PTPRG: variants seen among roughly 807,000 people sequenced by gnomAD.
PTPRG encodes the protein receptor-type tyrosine-protein phosphatase gamma.
A neutral mutation model predicts 165.3 loss-of-function variants in PTPRG; 102 were observed. The ratio of observed to expected loss-of-function variants is 0.62; its 90% CI spans 0.53 to 0.73. The LOEUF is 0.73. Among genes scored for constraint, PTPRG ranks in the 30% least tolerant of loss-of-function variants. The probability of loss-of-function intolerance (pLI) is 0.00; values close to 1 mark genes in which losing one functional copy is unlikely to be tolerated. For missense variants in PTPRG, 1,866 were observed against 1,861.4 expected (o/e 1.00, Z -0.05); for synonymous variants, 675 against 669.5 (o/e 1.01, Z -0.13).
rs536369671 is a variant in PTPRG, at chr3:61,572,139, C to A, written c.85+9767C>A. ...GTTTGCTTCCTAAGGCGTTGAGAAC[C>A]CTTCCATTATCTTGCTAACCTTGCT... On this transcript the variant is annotated intron_variant, in intron 1 of 29. Transcript: ENST00000474889. Among the ~76,000 whole-genome samples the A allele has an allele frequency of 9.2e-5, 14 of 152,286 alleles. No homozygotes were observed. In the East Asian group the frequency reaches 2.7e-3, roughly 29 times the overall value.
At chr3:62,275,769 T>G in intron 23 of PTPRG, 104 bp from the exon 24 acceptor site, 1 of 788,034 alleles carries the variant, frequency 1.3e-6, no homozygotes, top group Non-Finnish European at 2.0e-6. Flanking sequence ...GGCACAGAAA[T>G]GGTCTTGTTT....
At chr3:61,709,416 G>C (rs893877310) in intron 1 of PTPRG, among the ~76,000 whole-genome samples, 1 of 152,096 alleles carries the variant, frequency 6.6e-6, no homozygotes, top group African/African-American at 2.4e-5. Flanking sequence ...CTAGATTCAA[G>C]TGGTTCTCCT....
At chr3:61,610,769 C>CCCTT in intron 1 of PTPRG, among the ~76,000 whole-genome samples, 1 of 124,028 alleles carries the variant, frequency 8.1e-6, no homozygotes, top group East Asian at 2.2e-4. Context: ...CTCCCTCCCT[C>CCCTT]CCTACCTCCC....
intron 4 of PTPRG, among the ~76,000 whole-genome samples, chr3:62,064,151 A>C (rs1238006407): frequency 6.6e-6 from 1 of 151,606 alleles, no homozygotes; most frequent in Non-Finnish European, 1.5e-5. Context: ...GATGAGCTAC[A>C]TTTTTAGAGC....
At chr3:62,216,249 G>A (rs1160532223) in intron 12 of PTPRG, among the ~76,000 whole-genome samples, 1 of 151,810 alleles carries the variant, frequency 6.6e-6, no homozygotes, top group Non-Finnish European at 1.5e-5. Context: ...AAATACCACA[G>A]AGGTGGTATT....
intron 1 of PTPRG, among the ~76,000 whole-genome samples, chr3:61,747,986 A>G (rs559961042): frequency 2.0e-5 from 3 of 152,220 alleles, no homozygotes; most frequent in Non-Finnish European, 4.4e-5. Context: ...TCCATGAGGT[A>G]GCTGGGAAGA....
At chr3:61,712,486 G>T (rs544414405) in intron 1 of PTPRG, among the ~76,000 whole-genome samples, 8 of 152,132 alleles carry the variant, frequency 5.3e-5, no homozygotes, top group Non-Finnish European at 5.9e-5. Flanking sequence ...CTGGTGGGAG[G>T]TGATTGGATC....
At chr3:61,895,248 G>A (rs1053643030) in intron 2 of PTPRG, among the ~76,000 whole-genome samples, 3 of 152,218 alleles carry the variant, frequency 2.0e-5, no homozygotes, top group Non-Finnish European at 4.4e-5. Flanking sequence ...TGGGAGCCAA[G>A]GGATCTGGAA....
At chr3:61,804,907 G>GC (rs1357040664) in intron 2 of PTPRG, among the ~76,000 whole-genome samples, 2 of 152,116 alleles carry the variant, frequency 1.3e-5, no homozygotes, top group African/African-American at 4.8e-5. Flanking sequence ...GCAGACACAG[G>GC]CATTTTCCTC....
chr3:61,916,261 G>C (rs1337701909), intron 2 of PTPRG, among the ~76,000 whole-genome samples: 3 of 152,128 alleles, frequency 2.0e-5, no homozygotes, highest in Admixed American at 2.0e-4. Flanking sequence ...ACTTATTTTT[G>C]GGTGTGTGTG....
Position 61,873,254 on chromosome 3 carries a change from G to T in PTPRG, c.191-116371G>T, listed in dbSNP as rs1374440080. Among the ~76,000 whole-genome samples, 6 of 152,144 alleles carry T rather than the reference G, an allele frequency of 3.9e-5. No homozygotes were observed. In the South Asian group the frequency reaches 6.2e-4, roughly 16 times the overall value. On this transcript the variant is annotated intron_variant, in intron 2 of 29. Coordinates refer to ENST00000474889, the MANE Select transcript of PTPRG (RefSeq NM_002841.4). ...GCTACAGCCTCAATGACATTCACCA[G>T]GCAGTAGGTGAATTTGATGTTGTTT...
At chr3:61,917,888 C>T (rs147719795) in intron 2 of PTPRG, among the ~76,000 whole-genome samples, 34 of 152,222 alleles carry the variant, frequency 2.2e-4, no homozygotes, top group African/African-American at 7.2e-4. Flanking sequence ...GCCGAGATCA[C>T]GCCGCTGCGA....
chr3:61,831,752 T>A (rs969233054), intron 2 of PTPRG, among the ~76,000 whole-genome samples: 1 of 152,200 alleles, frequency 6.6e-6, no homozygotes, highest in Non-Finnish European at 1.5e-5. Context: ...GTTTTCTGTC[T>A]TATGGGTAAA....
chr3:62,150,170 AG>A (rs1200331757), intron 6 of PTPRG, among the ~76,000 whole-genome samples: 3 of 152,244 alleles, frequency 2.0e-5, no homozygotes, highest in Non-Finnish European at 4.4e-5. Flanking sequence ...TAACAGCTGC[AG>A]AACATTTGGT....
rs141532214 is a variant in PTPRG, at chr3:61,628,109, C to T, written c.85+65737C>T. ...TTAAGCCATTATTTCCATATTGCAT[C>T]GTCTTTCATGCTCTAAGTATATGTT... is the stretch of plus-strand genomic sequence containing the variant. On this transcript the variant is annotated intron_variant, in intron 1 of 29. Coordinates refer to ENST00000474889, the MANE Select transcript of PTPRG (RefSeq NM_002841.4). Among the ~76,000 whole-genome samples the T allele has an allele frequency of 3.5e-3, 533 of 152,298 alleles. 3 individuals carry two copies. The highest frequency in any genetic ancestry group is 2.6e-3 in the Non-Finnish European group (174 of 68,036).
At chr3:62,126,299 C>T (rs1227436026) in intron 5 of PTPRG, among the ~76,000 whole-genome samples, 2 of 152,162 alleles carry the variant, frequency 1.3e-5, no homozygotes, top group Admixed American at 1.3e-4. Context: ...GCACAAAATT[C>T]ATTTCCTCAA....
chr3:62,118,771 AC>A (rs1272637777), intron 5 of PTPRG, among the ~76,000 whole-genome samples: 3 of 152,196 alleles, frequency 2.0e-5, no homozygotes, highest in Non-Finnish European at 4.4e-5. Flanking sequence ...CTGCAGAACA[AC>A]CCAGGAGGTG....
At chr3:61,949,922 AT>A (rs2039859039) in intron 2 of PTPRG, among the ~76,000 whole-genome samples, 3 of 151,872 alleles carry the variant, frequency 2.0e-5, no homozygotes, top group African/African-American at 7.2e-5. Context: ...TAATTTTTGT[AT>A]TTTTAGTAGA....
At chr3:61,772,687 T>C (rs150623537) in intron 2 of PTPRG, among the ~76,000 whole-genome samples, 1 of 152,222 alleles carries the variant, frequency 6.6e-6, no homozygotes, top group South Asian at 2.1e-4. Context: ...ACTGCATCTG[T>C]TCTGCAGTGT....
Sources: gnomAD v4.1 joint callset for allele counts (sites outside exome capture counted in the v4.1 genomes callset) on GRCh38, gnomAD v4.1.1 for gene constraint, MANE v1.5 for transcripts, NCBI Gene and HGNC (gene_info 2026-07-23, HGNC 2026-07-21) for gene names.